CDH18: variants seen among roughly 807,000 people sequenced by gnomAD.
CDH18 encodes the protein cadherin 18, also known as cadherin-18.
Under a neutral mutation model 67.9 loss-of-function variants are expected in CDH18, and 31 were observed. That is an observed-to-expected ratio of 0.46 (90% CI 0.34 to 0.62). The LOEUF (loss-of-function observed/expected upper bound fraction) is 0.62, where lower values mean the gene tolerates loss of function less well. Ranked by LOEUF, CDH18 falls within the 20% of genes least tolerant of loss-of-function variation. The pLI is 0.01. For synonymous variants in CDH18, 362 were observed against 347.2 expected (o/e 1.04, Z -0.48); for missense variants, 890 against 975.5 (o/e 0.91, Z 1.17).
At chr5:19,899,250 A>G (rs917364887) in intron 2 of CDH18, among the ~76,000 whole-genome samples, 2 of 152,102 alleles carry the variant, frequency 1.3e-5, no homozygotes, top group Non-Finnish European at 2.9e-5. Flanking sequence ...AAATAGAAAA[A>G]TTAGCCAGGC....
At chr5:19,801,253 A>G (rs1777438047) in intron 3 of CDH18, among the ~76,000 whole-genome samples, 1 of 152,174 alleles carries the variant, frequency 6.6e-6, no homozygotes, top group Non-Finnish European at 1.5e-5. Flanking sequence ...CTTCCTCAGC[A>G]TTACTCAAAG....
chr5:20,049,892 C>T (rs1303748556), intron 2 of CDH18, among the ~76,000 whole-genome samples: 1 of 151,622 alleles, frequency 6.6e-6, no homozygotes, highest in Admixed American at 6.6e-5. Context: ...AGAAGAGATA[C>T]TGTTAAAACA....
At chr5:20,230,982 C>T (rs1393766874) in intron 2 of CDH18, among the ~76,000 whole-genome samples, 2 of 152,102 alleles carry the variant, frequency 1.3e-5, no homozygotes, top group African/African-American at 2.4e-5. Flanking sequence ...CCATTCAATG[C>T]TCTTTGCAAG....
chr5:19,594,299 G>GC (rs1422705663), intron 6 of CDH18, among the ~76,000 whole-genome samples: 5 of 151,826 alleles, frequency 3.3e-5, no homozygotes, highest in African/African-American at 1.2e-4. Context: ...TTACAGGCCC[G>GC]CACCACCACA....
intron 5 of CDH18, among the ~76,000 whole-genome samples, chr5:19,716,395 T>C (rs771810706): frequency 2.0e-5 from 3 of 152,136 alleles, no homozygotes; most frequent in Non-Finnish European, 4.4e-5. Context: ...ATATTTATAT[T>C]ATATTAATTA....
chr5:20,273,468 A>T (rs1398990557), intron 1 of CDH18, among the ~76,000 whole-genome samples: 3 of 152,180 alleles, frequency 2.0e-5, no homozygotes, highest in African/African-American at 7.2e-5. Flanking sequence ...TATTAAAATG[A>T]TCAATCATAT....
chr5:20,047,153 AAGC>A (rs370554309), intron 2 of CDH18, among the ~76,000 whole-genome samples: 1 of 151,866 alleles, frequency 6.6e-6, no homozygotes, highest in Non-Finnish European at 1.5e-5. Flanking sequence ...CAAAGGTAAA[AAGC>A]AGGAGAGACG....
rs1741452117 is a variant in CDH18, at chr5:19,571,800, G to A, written c.1032C>T (p.Thr344=). 3 of 1,612,874 alleles carry A rather than the reference G, an allele frequency of 1.9e-6. No homozygotes were observed. Among genetic ancestry groups the A allele is most frequent in the Admixed American group, 1.7e-5 (1 of 59,932 alleles). The change falls in exon 8 of 13, where the codon ACC becomes ACT. Residue 344 remains threonine (T), a synonymous_variant. Transcript: ENST00000382275. ...PLNYEKKKSY[T]LNIEGANTHL... ...GTGTATTTGCTCCTTCTATGTTGAGGGTATATGACTTCTTTTTCTCATAGT... is the reference window on the plus strand; with the variant it reads ...GTGTATTTGCTCCTTCTATGTTGAGAGTATATGACTTCTTTTTCTCATAGT...
chr5:19,931,944 C>T (rs1793741342), intron 2 of CDH18, among the ~76,000 whole-genome samples: 1 of 151,718 alleles, frequency 6.6e-6, no homozygotes, highest in Non-Finnish European at 1.5e-5. Context: ...TCCCTCTATC[C>T]TATGCCACCT....
intron 5 of CDH18, among the ~76,000 whole-genome samples, chr5:19,647,668 C>T (rs1026638748): frequency 6.6e-6 from 1 of 150,926 alleles, no homozygotes; most frequent in Non-Finnish European, 1.5e-5. Flanking sequence ...TACACAGGAA[C>T]CACATCCAGT....
At chr5:20,078,897 T>C (rs1744205896) in intron 2 of CDH18, among the ~76,000 whole-genome samples, 1 of 152,218 alleles carries the variant, frequency 6.6e-6, no homozygotes, top group Admixed American at 6.5e-5. Context: ...ATTACAGGCG[T>C]AAGCCACTGT....
Position 19,853,275 on chromosome 5 carries a change from G to A in CDH18, c.-256-14033C>T, listed in dbSNP as rs551583535. On this transcript the variant is annotated intron_variant, in intron 2 of 12. Transcript: ENST00000382275. ...TGGCCTTTCCTCAATGTATGTTCTCGGGCAGAGACAGAGGAAGCTCTCTGC... is the reference window on the plus strand; with the variant it reads ...TGGCCTTTCCTCAATGTATGTTCTCAGGCAGAGACAGAGGAAGCTCTCTGC... Among the ~76,000 whole-genome samples, 9 of 152,062 alleles carry A rather than the reference G, an allele frequency of 5.9e-5. No individual in the cohort carries two copies. In the South Asian group the frequency reaches 6.2e-4, roughly 11 times the overall value.
At chr5:19,590,688 G>C (rs947237296) in intron 7 of CDH18, among the ~76,000 whole-genome samples, 1 of 152,050 alleles carries the variant, frequency 6.6e-6, no homozygotes, top group Non-Finnish European at 1.5e-5. Context: ...GGCTATAACA[G>C]AATCACCACA....
chr5:19,524,987 C>T (rs1409301646), intron 9 of CDH18, among the ~76,000 whole-genome samples: 2 of 152,166 alleles, frequency 1.3e-5, no homozygotes, highest in African/African-American at 2.4e-5. Flanking sequence ...CCTCGTGATC[C>T]GCCGGCCTCG....
intron 4 of CDH18, among the ~76,000 whole-genome samples, chr5:19,738,903 TAA>T (rs1254219291): frequency 1.3e-5 from 2 of 152,114 alleles, no homozygotes; most frequent in African/African-American, 4.8e-5. Context: ...ACTTAAAATA[TAA>T]GTTTAAAAAA....
At chr5:20,177,457 G>A (rs983740518) in intron 2 of CDH18, among the ~76,000 whole-genome samples, 1 of 152,080 alleles carries the variant, frequency 6.6e-6, no homozygotes, top group African/African-American at 2.4e-5. Context: ...AACATTCAAT[G>A]CAAACAACTC....
intron 2 of CDH18, among the ~76,000 whole-genome samples, chr5:20,091,021 G>A (rs1432289873): frequency 1.3e-5 from 2 of 151,122 alleles, no homozygotes; most frequent in Non-Finnish European, 2.9e-5. Flanking sequence ...CTGTACACCA[G>A]TCTGGGTGAC....
intron 2 of CDH18, among the ~76,000 whole-genome samples, chr5:19,957,627 T>C (rs1386847520): frequency 6.6e-6 from 1 of 151,940 alleles, no homozygotes; most frequent in Non-Finnish European, 1.5e-5. Flanking sequence ...TAGAAATAAA[T>C]TACCATCAAA....
intron 2 of CDH18, among the ~76,000 whole-genome samples, chr5:20,215,465 TAAATAAAC>T (rs199744836): frequency 0.092 from 11,657 of 126,650 alleles, 735 homozygotes; most frequent in East Asian, 0.28. Flanking sequence ...AATAAATAAA[TAAATAAAC>T]AAACCAGATG....
Sources: allele counts gnomAD v4.1 joint callset (sites outside exome capture counted in the v4.1 genomes callset), GRCh38; gene constraint gnomAD v4.1.1; transcripts MANE v1.5; gene names NCBI Gene and HGNC (gene_info 2026-07-23, HGNC 2026-07-21).